The following MYO6 variants were observed in gnomAD, a reference collection of about 807,000 sequenced individuals.
MYO6 encodes the protein myosin VI.
A neutral mutation model predicts 178.7 loss-of-function variants in MYO6; 74 were observed. The ratio of observed to expected loss-of-function variants is 0.41; its 90% CI spans 0.34 to 0.50. The LOEUF is 0.50. Ranked by LOEUF, MYO6 falls within the 20% of genes least tolerant of loss-of-function variation. The pLI is 0.09. For missense variants in MYO6, 1,330 were observed against 1,547.4 expected (o/e 0.86, Z 2.36); for synonymous variants, 477 against 504.6 (o/e 0.95, Z 0.73).
In MYO6 at chr6:75,915,182, A is replaced by G. The variant is rs1202314100; in HGVS notation, c.*170A>G. ...TTGTTTAAGGTTAATTATGGTAGCA[A>G]ATTTTGGACCTAAACATTATTTTTC... On this transcript the variant is annotated 3_prime_UTR_variant, in exon 35 of 35. Transcript: ENST00000369977. 8 of 692,950 alleles carry G rather than the reference A, an allele frequency of 1.2e-5. No homozygotes were observed. Among genetic ancestry groups the G allele is most frequent in the Non-Finnish European group, 1.9e-5 (8 of 413,504 alleles). 42.9% of individuals were successfully genotyped at this position (692,950 alleles called of 1,614,324 possible).
At chr6:75,803,342 T>G (rs1449701166) in intron 1 of MYO6, among the ~76,000 whole-genome samples, 1 of 152,166 alleles carries the variant, frequency 6.6e-6, no homozygotes, top group Non-Finnish European at 1.5e-5. Context: ...AGTGGTGGTG[T>G]TCACTGTTTT....
At chr6:75,852,260 C>G (rs1302414441) in intron 11 of MYO6, among the ~76,000 whole-genome samples, 1 of 151,994 alleles carries the variant, frequency 6.6e-6, no homozygotes, top group Non-Finnish European at 1.5e-5. Context: ...ATGTATAGAA[C>G]CTACACGAGT....
Position 75,774,334 on chromosome 6 carries a change from TA to T in MYO6, c.-48+24913del, listed in dbSNP as rs553694695. Among the ~76,000 whole-genome samples the T allele has an allele frequency of 3.6e-3, 543 of 152,318 alleles. 3 individuals carry two copies. The highest frequency in any genetic ancestry group is 0.012 in the African/African-American group (519 of 41,584). On this transcript the variant is annotated intron_variant, in intron 1 of 34. Transcript: ENST00000369977. ...ACCAAATAGGATTAATGATTTTTATTAATTATAGCCCTGTATAAATTTAAAT... is the reference window on the plus strand; with the variant it reads ...ACCAAATAGGATTAATGATTTTTATTATTATAGCCCTGTATAAATTTAAAT...
intron 2 of MYO6, among the ~76,000 whole-genome samples, chr6:75,821,734 C>A (rs1166314284): frequency 1.3e-5 from 2 of 152,116 alleles, no homozygotes; most frequent in Non-Finnish European, 2.9e-5. Context: ...ACTTCAGCCA[C>A]AAGAGTAATT....
intron 1 of MYO6, among the ~76,000 whole-genome samples, chr6:75,756,460 G>A (rs996780001): frequency 1.1e-4 from 17 of 152,112 alleles, no homozygotes. Context: ...AGCCTCCTGA[G>A]TAGCCGGGAT....
At chr6:75,879,197 G>A (rs1287788182) in intron 20 of MYO6, among the ~76,000 whole-genome samples, 1 of 152,088 alleles carries the variant, frequency 6.6e-6, no homozygotes, top group African/African-American at 2.4e-5. Context: ...GTGACACAGA[G>A]TCTTCTAACA....
intron 12 of MYO6, among the ~76,000 whole-genome samples, chr6:75,856,148 C>G: frequency 6.6e-6 from 1 of 152,176 alleles, no homozygotes. Context: ...CACCCTACAG[C>G]CTACAGTTAC....
intron 1 of MYO6, among the ~76,000 whole-genome samples, chr6:75,762,880 A>G (rs1014127707): frequency 6.6e-6 from 1 of 152,200 alleles, no homozygotes; most frequent in African/African-American, 2.4e-5. Context: ...AATGAATTTA[A>G]GTGTAATTTA....
intron 1 of MYO6, among the ~76,000 whole-genome samples, chr6:75,814,345 G>A (rs949581147): frequency 2.0e-5 from 3 of 152,074 alleles, no homozygotes; most frequent in East Asian, 3.9e-4. Context: ...CTCTTTCTTT[G>A]ATGTGATGTT....
intron 22 of MYO6, among the ~76,000 whole-genome samples, chr6:75,881,365 CT>C (rs1778007346): frequency 1.3e-5 from 2 of 151,708 alleles, no homozygotes; most frequent in Admixed American, 6.6e-5. Flanking sequence ...TACAGTAGTC[CT>C]TTTTCATTCT....
intron 32 of MYO6, among the ~76,000 whole-genome samples, chr6:75,910,392 T>C (rs898858286): frequency 1.3e-5 from 2 of 152,194 alleles, no homozygotes; most frequent in Non-Finnish European, 2.9e-5. Context: ...GTACACATAT[T>C]TATTGTATTT....
In MYO6 at chr6:75,763,226, A is replaced by G. The variant is rs544848184; in HGVS notation, c.-48+13803A>G. Among the ~76,000 whole-genome samples, 20 of 151,692 alleles carry G rather than the reference A, an allele frequency of 1.3e-4. No individual in the cohort carries two copies. The South Asian group carries it at 4.2e-3, about 32-fold the overall frequency. On this transcript the variant is annotated intron_variant, in intron 1 of 34. Transcript: ENST00000369977. Reference sequence around the variant, plus strand: ...TTCTTAGTAGAGACGGGGTTTCACCATCTTGGCCAGGCTGGTCTTGAACTC... The same window carrying G: ...TTCTTAGTAGAGACGGGGTTTCACCGTCTTGGCCAGGCTGGTCTTGAACTC...
At chr6:75,783,266 A>G (rs1350772790) in intron 1 of MYO6, among the ~76,000 whole-genome samples, 3 of 152,006 alleles carry the variant, frequency 2.0e-5, no homozygotes, top group South Asian at 2.1e-4. Context: ...GTTTTCTCCT[A>G]AAGTTTTAGT....
chr6:75,889,613 A>G (rs554761109), intron 25 of MYO6, among the ~76,000 whole-genome samples: 1 of 152,256 alleles, frequency 6.6e-6, no homozygotes, highest in African/African-American at 2.4e-5. Context: ...GGGTTTCACT[A>G]TGTTGGCCAG....
At chr6:75,860,141 G>A (rs1417099808) in intron 14 of MYO6, among the ~76,000 whole-genome samples, 1 of 152,094 alleles carries the variant, frequency 6.6e-6, no homozygotes, top group Non-Finnish European at 1.5e-5. Flanking sequence ...TACTTTATCT[G>A]GGCTGAAATG....
chr6:75,903,184 GA>G (rs1294649422), intron 30 of MYO6, among the ~76,000 whole-genome samples: 1 of 151,810 alleles, frequency 6.6e-6, no homozygotes, highest in Non-Finnish European at 1.5e-5. Context: ...GTGTGGTGCT[GA>G]AAAAAATGTA....
intron 32 of MYO6, among the ~76,000 whole-genome samples, chr6:75,909,433 A>G (rs977982628): frequency 6.6e-6 from 1 of 152,230 alleles, no homozygotes; most frequent in Non-Finnish European, 1.5e-5. Context: ...TATAAAAGTG[A>G]GAAATATTAC....
In MYO6 at chr6:75,916,766, T is replaced by G. The variant is rs1215481786; in HGVS notation, c.*1754T>G. 6.6e-6 allele frequency: 1 copy of G among 152,208 alleles called. No homozygotes were observed. Among genetic ancestry groups the G allele is most frequent in the Non-Finnish European group, 1.5e-5 (1 of 68,038 alleles). 9.4% of individuals were successfully genotyped at this position (152,208 alleles called of 1,614,324 possible). On this transcript the variant is annotated 3_prime_UTR_variant, in exon 35 of 35. Coordinates refer to ENST00000369977, the MANE Select transcript of MYO6 (RefSeq NM_004999.4). ...TTTAGTACAATAGTTTTGTGTATCT[T>G]TTAGATACATTAATAGGCACTAGAT...
chr6:75,846,384 C>G (rs1343927541), intron 10 of MYO6, among the ~76,000 whole-genome samples: 3 of 151,958 alleles, frequency 2.0e-5, no homozygotes, highest in South Asian at 4.2e-4. Context: ...ATTTTTTACT[C>G]TTCTTAAAAT....
Sources: gnomAD v4.1 joint callset for allele counts (sites outside exome capture counted in the v4.1 genomes callset) on GRCh38, gnomAD v4.1.1 for gene constraint, MANE v1.5 for transcripts, NCBI Gene and HGNC (gene_info 2026-07-23, HGNC 2026-07-21) for gene names.